The following RNF17 variants were observed in gnomAD, a reference collection of about 807,000 sequenced individuals.
RNF17 encodes ring finger protein 17.
Under a neutral mutation model 200.5 loss-of-function variants are expected in RNF17, and 31 were observed. That is an observed-to-expected ratio of 0.15 (90% CI 0.12 to 0.21). RNF17 has a LOEUF of 0.21. RNF17 is among the 10% of genes least tolerant of loss of function. The pLI is 1.00. For synonymous variants in RNF17, 606 were observed against 637.8 expected (o/e 0.95, Z 0.75); for missense variants, 1,628 against 1,905.1 (o/e 0.85, Z 2.71).
intron 31 of RNF17, among the ~76,000 whole-genome samples, chr13:24,869,241 CAAAG>C (rs774288210): frequency 3.9e-4 from 60 of 152,290 alleles, no homozygotes; most frequent in Non-Finnish European, 7.2e-4. Flanking sequence ...CCTTGGCTAA[CAAAG>C]AGAGGAAGAA....
In RNF17 at chr13:24,866,156, G is replaced by C; in HGVS notation, c.4114G>C (p.Asp1372His). Residue 1372 changes from aspartate to histidine, a missense_variant, in exon 30 of 36, where the codon GAT (aspartate) becomes CAT (histidine). By Grantham distance (81) the Asp-to-His change is moderately conservative (BLOSUM62 -1). Around this residue, in one of 5 missense-constraint regions of RNF17, gnomAD observed 609 missense variants for 681.9 expected, o/e 0.89. Transcript: ENST00000255324. The part of the protein sequence containing the change: ...EEMLKEKPRS[D>H]HDKKYEEEQW... ...CATATTATTTCAGAAACCAAGATCA[G>C]ATCATGATAAAAAGTATGAAGAGGA... is the stretch of plus-strand genomic sequence containing the variant. 6.5e-7 allele frequency: 1 copy of C among 1,528,908 alleles called. No homozygotes were observed. Among genetic ancestry groups the C allele is most frequent in the South Asian group, 1.1e-5 (1 of 87,274 alleles). The allele number at this position is 1,528,908 out of a possible 1,614,324, so 94.7% of individuals were successfully genotyped here. A position where few individuals can be genotyped will look rare whatever the true frequency, so the allele number is the denominator to read the frequency against.
intron 15 of RNF17, among the ~76,000 whole-genome samples, chr13:24,812,782 C>T (rs1044757836): frequency 2.5e-4 from 37 of 150,708 alleles, no homozygotes; most frequent in African/African-American, 8.3e-4. Flanking sequence ...CCTGGGTTCA[C>T]GCCATTCTCA....
intron 34 of RNF17, among the ~76,000 whole-genome samples, 174 bp downstream of exon 34, chr13:24,877,360 G>T (rs1470281273): frequency 6.6e-6 from 1 of 151,986 alleles, no homozygotes; most frequent in African/African-American, 2.4e-5. Flanking sequence ...TAATTTTGAG[G>T]CTTGTTAAAA....
chr13:24,864,114 T>A (rs1893385541), intron 28 of RNF17, among the ~76,000 whole-genome samples: 1 of 152,198 alleles, frequency 6.6e-6, no homozygotes, highest in Admixed American at 6.5e-5. Flanking sequence ...AACATGCATC[T>A]GGGAAGACGT....
chr13:24,821,476 CATA>C (rs983351111), intron 15 of RNF17, among the ~76,000 whole-genome samples: 1 of 152,138 alleles, frequency 6.6e-6, no homozygotes, highest in African/African-American at 2.4e-5. Context: ...CTATGACTTT[CATA>C]ATGTCTCTGT....
chr13:24,837,259 C>T (rs1331145649), intron 18 of RNF17, among the ~76,000 whole-genome samples: 1 of 152,106 alleles, frequency 6.6e-6, no homozygotes, highest in African/African-American at 2.4e-5. Flanking sequence ...ATAAGATAGA[C>T]AGCAACACAA....
intron 16 of RNF17, 37 bp downstream of exon 16, chr13:24,825,809 A>C: frequency 1.3e-6 from 2 of 1,587,276 alleles, no homozygotes; most frequent in Non-Finnish European, 1.7e-6. Flanking sequence ...GGGAGATGTC[A>C]TACTTCAAAA....
Position 24,793,305 on chromosome 13 carries a change from C to A in RNF17, c.1199C>A (p.Pro400His), listed in dbSNP as rs1226484723. 6.3e-7 allele frequency: 1 copy of A among 1,595,480 alleles called. No homozygotes were observed. The highest frequency in any genetic ancestry group is 1.8e-5 in the Admixed American group (1 of 54,406). The change falls in exon 10 of 36, where the codon CCT becomes CAT. Residue 400 changes from proline (P) to histidine (H), a missense_variant. By Grantham distance (77) the Pro-to-His change is moderately conservative (BLOSUM62 -2). Around this residue, in one of 5 missense-constraint regions of RNF17, gnomAD observed 502 missense variants for 501.7 expected, o/e 1.00. Transcript: ENST00000255324. ...GTGTTACCTCAGATGGGATCTAGCC[C>A]TGATGTGATAATTGAAGAAATTATT... ...IAVLPQMGSSPDVIIEEIIED... is the reference protein window; with the variant it reads ...IAVLPQMGSSHDVIIEEIIED...
intron 9 of RNF17, among the ~76,000 whole-genome samples, chr13:24,791,997 G>A (rs1458598079): frequency 6.6e-6 from 1 of 152,194 alleles, no homozygotes; most frequent in Non-Finnish European, 1.5e-5. Flanking sequence ...GCCAGAGGAA[G>A]TGGAATACCA....
At position 24,800,549 on chromosome 13, in the gene RNF17, A is replaced by C; in HGVS notation, c.1758+15A>C. The C allele has an allele frequency of 6.2e-7, 1 of 1,607,196 alleles. No homozygotes were observed. Among genetic ancestry groups the C allele is most frequent in the Non-Finnish European group, 8.5e-7 (1 of 1,175,654 alleles). ...CACAGAATTCAGTAAGTGAGACTTT[A>C]ATTATTTTTTCCTTCAGAGGTTATT... On this transcript the variant is annotated intron_variant, in intron 13 of 35. Coordinates refer to ENST00000255324, the MANE Select transcript of RNF17 (RefSeq NM_031277.3).
chr13:24,843,772 C>T lies in RNF17; in HGVS notation c.2632C>T (p.His878Tyr), dbSNP rs772688381. ...GYILKDNSQK[H>Y]IEVWDPSPEE... The stretch of plus-strand genomic sequence containing the variant: ...CATCCTCAAAGATAATTCTCAAAAG[C>T]ATATTGAAGTTTGGGATCCTTCTCC... The change falls in exon 20 of 36, where the codon CAT becomes TAT. Residue 878 changes from histidine (H) to tyrosine (Y), a missense_variant. His to Tyr is a moderately conservative substitution (Grantham distance 83). This residue lies in a region of RNF17 where 227 missense variants were observed against 319.8 expected (regional missense o/e 0.71). Coordinates refer to ENST00000255324, the MANE Select transcript of RNF17 (RefSeq NM_031277.3). 6.2e-7 allele frequency: 1 copy of T among 1,600,280 alleles called. No individual in the cohort carries two copies. The highest frequency in any genetic ancestry group is 8.5e-7 in the Non-Finnish European group (1 of 1,170,794).
chr13:24,839,500 C>T (rs2138101485), intron 18 of RNF17, among the ~76,000 whole-genome samples: 1 of 152,168 alleles, frequency 6.6e-6, no homozygotes, highest in Admixed American at 6.5e-5. Flanking sequence ...TAAGGCCAGT[C>T]ACCAAAACAG....
intron 30 of RNF17, among the ~76,000 whole-genome samples, chr13:24,868,276 C>T (rs1032984868): frequency 6.6e-6 from 1 of 150,794 alleles, no homozygotes; most frequent in Non-Finnish European, 1.5e-5. Context: ...CGAGACCATC[C>T]CGGCTAAAAC....
At chr13:24,824,149 A>G (rs759533591) in intron 15 of RNF17, 17 of 706,202 alleles carry the variant, frequency 2.4e-5, no homozygotes, top group Non-Finnish European at 2.1e-5. Context: ...AATTGCTTTT[A>G]CTTCATTAGG....
In RNF17 at chr13:24,861,306, G is replaced by T. The variant is rs201332028; in HGVS notation, c.3813G>T (p.Pro1271=). ...YLDHGFTEKI[P]QCHLYPILLY... ...ATCATGGATTCACTGAAAAGATTCCGCAGTGCCATCTTTACCCTATTTTGC... is the reference window on the plus strand; with the variant it reads ...ATCATGGATTCACTGAAAAGATTCCTCAGTGCCATCTTTACCCTATTTTGC... The change falls in exon 27 of 36, where the codon CCG becomes CCT. Residue 1271 remains proline (P), a synonymous_variant. Transcript: ENST00000255324. 3.4e-5 allele frequency: 54 copies of T among 1,592,914 alleles called. No homozygotes were observed. Among genetic ancestry groups the T allele is most frequent in the South Asian group, 1.1e-5 (1 of 89,088 alleles).
the RNF17 span, chr13:24,886,108 AC>A: frequency 2.5e-6 from 1 of 394,848 alleles, no homozygotes; most frequent in Non-Finnish European, 5.0e-6. Flanking sequence ...TGTACCAGCA[AC>A]ATATACATTA....
In RNF17 at chr13:24,851,543, A is replaced by G. The variant is rs1420632348; in HGVS notation, c.3292A>G (p.Lys1098Glu). ...ERVDVSKYLI[K>E]KGLALRERRI... Reference sequence around the variant, plus strand: ...TGTTGATGTTTCTAAATATTTGATTAAAAAGGGTTTGGCTTTGAGAGAAAG... The same window carrying G: ...TGTTGATGTTTCTAAATATTTGATTGAAAAGGGTTTGGCTTTGAGAGAAAG... Residue 1098 changes from lysine (K) to glutamate (E), a missense_variant, in exon 24 of 36, where the codon AAA becomes GAA. Physicochemically the swap from Lys to Glu is moderately conservative, Grantham distance 56. Around this residue, in one of 5 missense-constraint regions of RNF17, gnomAD observed 609 missense variants for 681.9 expected, o/e 0.89. Transcript: ENST00000255324. 6.2e-7 allele frequency: 1 copy of G among 1,612,354 alleles called. No individual in the cohort carries two copies. Among genetic ancestry groups the G allele is most frequent in the South Asian group, 1.1e-5 (1 of 90,462 alleles).
At chr13:24,832,965 C>T (rs1889579875) in intron 18 of RNF17, among the ~76,000 whole-genome samples, 1 of 152,066 alleles carries the variant, frequency 6.6e-6, no homozygotes, top group Non-Finnish European at 1.5e-5. Flanking sequence ...AGGCCAGTCT[C>T]GAACTCTTGG....
chr13:24,766,869 C>T (rs889634167), intron 1 of RNF17, among the ~76,000 whole-genome samples: 3 of 152,176 alleles, frequency 2.0e-5, no homozygotes, highest in African/African-American at 7.2e-5. Flanking sequence ...TTACATAGCT[C>T]TTCTTGGTTT....
Sources: gnomAD v4.1 joint callset for allele counts (sites outside exome capture counted in the v4.1 genomes callset) on GRCh38, gnomAD v4.1.1 for gene constraint, gnomAD v4.1.1 regional missense constraint, MANE v1.5 for transcripts, NCBI Gene and HGNC (gene_info 2026-07-23, HGNC 2026-07-21) for gene names.